The following MYOM3 variants were observed in gnomAD, a reference collection of about 807,000 sequenced individuals.
The protein encoded by MYOM3 is myomesin 3, also known as myomesin-3.
A neutral mutation model predicts 191.7 loss-of-function variants in MYOM3; 155 were observed. The ratio of observed to expected loss-of-function variants is 0.81; its 90% CI spans 0.71 to 0.92. MYOM3 has a LOEUF of 0.92. MYOM3 is among the 40% of genes least tolerant of loss of function. MYOM3 has a pLI of 0.00. For synonymous variants in MYOM3, 757 were observed against 762.9 expected (o/e 0.99, Z 0.13); for missense variants, 1,889 against 1,890.6 (o/e 1.00, Z 0.02).
At position 24,097,932 on chromosome 1, in the gene MYOM3, G is replaced by C. The variant is rs1643887079; in HGVS notation, c.736C>G (p.Leu246Val). The C allele has an allele frequency of 1.2e-6, 2 of 1,612,694 alleles. No homozygotes were observed. The highest frequency in any genetic ancestry group is 1.7e-6 in the Non-Finnish European group (2 of 1,178,660). ...GGTTGGGAGGACTTACTGCGGACGA[G>C]GACTTTGGCGAAGGAGGAGGCCTGG... ...HGQASSFAKV[L>V]VRTYLGKDAG... Residue 246 changes from leucine to valine, a missense_variant, in exon 7 of 37, where the codon CTC becomes GTC. Leu to Val is a conservative substitution (Grantham distance 32). Transcript: ENST00000374434.
chr1:24,059,324 G>A (rs1465750280), intron 35 of MYOM3, among the ~76,000 whole-genome samples: 4 of 152,234 alleles, frequency 2.6e-5, no homozygotes, highest in African/African-American at 4.8e-5. Context: ...TTGTAGAGAC[G>A]GGGTTTCGCC....
intron 23 of MYOM3, among the ~76,000 whole-genome samples, chr1:24,072,620 C>T (rs1029776576): frequency 6.7e-6 from 1 of 149,096 alleles, no homozygotes; most frequent in African/African-American, 2.6e-5. Flanking sequence ...CTGCAACCTC[C>T]GCCTCCAGGG....
At chr1:24,098,904 C>T (rs1487399924) in intron 6 of MYOM3, among the ~76,000 whole-genome samples, 1 of 152,276 alleles carries the variant, frequency 6.6e-6, no homozygotes, top group South Asian at 2.1e-4. Context: ...CACACCAGGC[C>T]CTGTCGCATA....
At chr1:24,067,607 G>A (rs4649170) in intron 27 of MYOM3, among the ~76,000 whole-genome samples, 47,427 of 151,428 alleles carry the variant, frequency 0.31, 9,450 homozygotes, top group East Asian at 0.44. Context: ...AATTACAGGC[G>A]TGTGCCACCA....
At chr1:24,090,337 T>G (rs951052610) in intron 12 of MYOM3, among the ~76,000 whole-genome samples, 1 of 152,148 alleles carries the variant, frequency 6.6e-6, no homozygotes, top group African/African-American at 2.4e-5. Context: ...GCTCTTCCTC[T>G]TGGGACAAGT....
chr1:24,072,120 C>T, intron 23 of MYOM3, 107 bp from the exon 24 acceptor site: 1 of 1,068,990 alleles, frequency 9.4e-7, no homozygotes. Context: ...GTCAAAATTC[C>T]AAGAGACACC....
chr1:24,099,181 T>C (rs766272238), intron 6 of MYOM3, among the ~76,000 whole-genome samples: 1 of 152,148 alleles, frequency 6.6e-6, no homozygotes, highest in African/African-American at 2.4e-5. Context: ...GGACGCACCA[T>C]CTCCTGAAAG....
chr1:24,080,113 GCC>G lies in MYOM3; in HGVS notation c.2487_2488del (p.Ala830TrpfsTer16), dbSNP rs1184678970. On this transcript the variant is annotated frameshift_variant, in exon 20 of 37. Transcript: ENST00000374434. LOFTEE classifies it high-confidence loss of function. Reference sequence around the variant, plus strand: ...GACGTGATAGCCTGTGACAGGCCCAGCCCCCATATACAGTGGGGGTTCCCACT... The same window carrying G: ...GACGTGATAGCCTGTGACAGGCCCAGCCCATATACAGTGGGGGTTCCCACT... 1.9e-6 allele frequency: 3 copies of G among 1,613,996 alleles called. No individual in the cohort carries two copies. Among genetic ancestry groups the G allele is most frequent in the Non-Finnish European group, 2.5e-6 (3 of 1,179,984 alleles).
rs772840565 is a variant in MYOM3 at position 24,062,032 on chromosome 1, G to C, written c.3848C>G (p.Pro1283Arg). 5 of 1,614,162 alleles carry C rather than the reference G, an allele frequency of 3.1e-6. No homozygotes were observed. In the East Asian group the frequency reaches 6.7e-5, roughly 22 times the overall value. ...LDEIWLHILDPKDSDKGKYTL... is the reference protein window; with the variant it reads ...LDEIWLHILDRKDSDKGKYTL... ...GTATTTGCCCTTGTCTGAGTCTTTG[G>C]GGTCCAGGATGTGAAGCCAGATCTC... The change falls in exon 33 of 37, where the codon CCC (proline) becomes CGC (arginine). Residue 1283 changes from proline (P) to arginine (R), a missense_variant. Pro to Arg is a moderately radical substitution (Grantham distance 103). Coordinates refer to ENST00000374434, the MANE Select transcript of MYOM3 (RefSeq NM_152372.4).
chr1:24,081,231 C>T (rs1233233535), intron 19 of MYOM3, 99 bp downstream of exon 19: 2 of 1,482,422 alleles, frequency 1.3e-6, no homozygotes, highest in East Asian at 2.3e-5. Context: ...ACAGTGCAAG[C>T]CTGAATGCAT....
At chr1:24,078,492 A>G (rs1275085807) in intron 20 of MYOM3, among the ~76,000 whole-genome samples, 1 of 152,144 alleles carries the variant, frequency 6.6e-6, no homozygotes, top group Non-Finnish European at 1.5e-5. Context: ...ATTTGTTAGT[A>G]TCTTATTCTT....
rs752338873 is a variant in MYOM3 at position 24,082,156 on chromosome 1, G to T, written c.2125C>A (p.Leu709Met). 30 of 1,613,200 alleles carry T rather than the reference G, an allele frequency of 1.9e-5. No homozygotes were observed. Among genetic ancestry groups the T allele is most frequent in the Non-Finnish European group, 2.4e-5 (28 of 1,179,652 alleles). Residue 709 changes from leucine (L) to methionine (M), a missense_variant, in exon 18 of 37, where the codon CTG (leucine) becomes ATG (methionine). Leu to Met is a conservative substitution (Grantham distance 15). Coordinates refer to ENST00000374434, the MANE Select transcript of MYOM3 (RefSeq NM_152372.4). ...ACCATTTCATTCTTCCCGCAGTTCA[G>T]GAGGGCAAAGCCATATGGGGCAGAC... ...TPSAPYGFAL[L>M]NCGKNEMVIG... is the part of the protein sequence containing the mutation.
At chr1:24,058,182 G>A (rs371675156) in intron 36 of MYOM3, among the ~76,000 whole-genome samples, 3 of 152,298 alleles carry the variant, frequency 2.0e-5, no homozygotes, top group Non-Finnish European at 4.4e-5. Context: ...ATCGGTCCCA[G>A]AATGGCCTTC....
intron 35 of MYOM3, 69 bp from the exon 36 acceptor site, chr1:24,059,048 A>G (rs1570847052): frequency 9.3e-7 from 1 of 1,080,532 alleles, no homozygotes; most frequent in African/African-American, 1.6e-5. Context: ...AGTTTCATAG[A>G]GTTGAGGTTT....
chr1:24,081,509 A>G lies in MYOM3; in HGVS notation c.2281-53T>C. 7.5e-6 allele frequency: 12 copies of G among 1,598,752 alleles called. No individual in the cohort carries two copies. In the South Asian group the frequency reaches 1.1e-4, roughly 15 times the overall value. On this transcript the variant is annotated intron_variant, in intron 18 of 36. Transcript: ENST00000374434. ...GGCTGAGGCTGGAGGAGGGATGGGGAACAGAAGCAGTGGTGCGGGAGGGAC... is the reference window on the plus strand; with the variant it reads ...GGCTGAGGCTGGAGGAGGGATGGGGGACAGAAGCAGTGGTGCGGGAGGGAC...
intron 5 of MYOM3, among the ~76,000 whole-genome samples, chr1:24,104,623 C>A (rs1643967281): frequency 6.6e-6 from 1 of 152,000 alleles, no homozygotes; most frequent in African/African-American, 2.4e-5. Flanking sequence ...TTACAGGCAC[C>A]CGCCACCATA....
chr1:24,057,440 T>C lies in MYOM3; in HGVS notation c.4238A>G (p.Tyr1413Cys), dbSNP rs1249740010. The C allele has an allele frequency of 6.2e-7, 1 of 1,614,192 alleles. No homozygotes were observed. The highest frequency in any genetic ancestry group is 8.5e-7 in the Non-Finnish European group (1 of 1,180,032). The change falls in exon 37 of 37, where the codon TAT becomes TGT. Residue 1413 changes from tyrosine (Y) to cysteine (C), a missense_variant. By Grantham distance (194) the Tyr-to-Cys change is radical. Coordinates refer to ENST00000374434, the MANE Select transcript of MYOM3 (RefSeq NM_152372.4). ...GRYGVFVKNK[Y>C]GSETGQVTIS... ...GGTGACCTGGCCCGTCTCGGAGCCA[T>C]ACTTGTTCTTGACGAAGACGCCGTA...
rs1247684835 is a variant in MYOM3, at chr1:24,063,404, C to T, written c.3661+88G>A. On this transcript the variant is annotated intron_variant, in intron 31 of 36. Coordinates refer to ENST00000374434, the MANE Select transcript of MYOM3 (RefSeq NM_152372.4). This position sits in a 1 kb window ranked among gnomAD's most constrained non-coding sequence, Gnocchi z 4.5. ...GTTTGAGGTTAGAAACTAAACCCAC[C>T]CCCAATAGCCAAGGCCAGTGTTAGG... is the stretch of plus-strand genomic sequence containing the variant. 2.5e-5 allele frequency: 38 copies of T among 1,542,412 alleles called. No individual in the cohort carries two copies. Among genetic ancestry groups the T allele is most frequent in the Non-Finnish European group, 3.0e-5 (34 of 1,115,860 alleles).
rs748573193 is a variant in MYOM3 at position 24,082,627 on chromosome 1, GGCTGAGCTCTCGCCTACCCCAGCCTC to G, written c.2032_2057del (p.Glu678ArgfsTer29). On this transcript the variant is annotated frameshift_variant, in exon 17 of 37. Transcript: ENST00000374434. LOFTEE classifies it high-confidence loss of function. ...GCTTGACCCTGATGGGCTCGGTGGC[GGCTGAGCTCTCGCCTACCCCAGCCTC>G]GCTGACTGACCTGACACAAAACTCG... is the stretch of plus-strand genomic sequence containing the variant. 6.2e-7 allele frequency: 1 copy of G among 1,611,528 alleles called. No individual in the cohort carries two copies. The highest frequency in any genetic ancestry group is 8.5e-7 in the Non-Finnish European group (1 of 1,179,176).
Sources: gnomAD v4.1 joint callset for allele counts (sites outside exome capture counted in the v4.1 genomes callset) on GRCh38, gnomAD v4.1.1 for gene constraint, Gnocchi (gnomAD v3.1) non-coding constraint, MANE v1.5 for transcripts, NCBI Gene and HGNC (gene_info 2026-07-23, HGNC 2026-07-21) for gene names.